Variants in ATG4C observed in about 807,000 individuals in gnomAD.
ATG4C encodes the protein cysteine protease ATG4C.
A neutral mutation model predicts 57.6 loss-of-function variants in ATG4C; 56 were observed. The observed-to-expected ratio is 0.97, with a 90% confidence interval of 0.78 to 1.21. The LOEUF is 1.21. ATG4C is among the 50% of genes most tolerant of loss of function. ATG4C has a pLI of 0.00. For missense variants in ATG4C, 595 were observed against 529.8 expected, an observed-to-expected ratio of 1.12 and a Z score of -1.21; for synonymous variants, 157 against 174.1, an observed-to-expected ratio of 0.90 and a Z score of 0.78.
intron 2 of ATG4C, 42 bp downstream of exon 2, chr1:62,803,904 AT>A: frequency 8.1e-7 from 1 of 1,241,964 alleles, no homozygotes; most frequent in Non-Finnish European, 1.1e-6. Flanking sequence ...CCAAAGAAAT[AT>A]TTGACAATAT....
intron 1 of ATG4C, among the ~76,000 whole-genome samples, chr1:62,798,889 C>T (rs534371419): frequency 6.6e-6 from 1 of 152,274 alleles, no homozygotes; most frequent in Admixed American, 6.5e-5. Flanking sequence ...GTGATCCACC[C>T]ACCTTGGCCT....
rs549319219 is a variant in ATG4C at position 62,838,854 on chromosome 1, AC to A, written c.1090-2571del. Among the ~76,000 whole-genome samples the A allele has an allele frequency of 3.0e-3, 461 of 152,136 alleles. 3 individuals are homozygous for A. Among genetic ancestry groups the A allele is most frequent in the African/African-American group, 0.011 (436 of 41,504 alleles). ...TGAGTCCTAGTGCTCATGCCGCAAT[AC>A]CCAATATCAGTTTAAGTGATCAGAG... On this transcript the variant is annotated intron_variant, in intron 9 of 10. Transcript: ENST00000317868.
intron 9 of ATG4C, among the ~76,000 whole-genome samples, chr1:62,837,914 T>C (rs1014712800): frequency 5.9e-5 from 9 of 152,150 alleles, no homozygotes; most frequent in African/African-American, 1.9e-4. Flanking sequence ...CCTTAGCCAC[T>C]CAAGTAGTTG....
At chr1:62,854,399 T>TC (rs1666612585) in intron 10 of ATG4C, among the ~76,000 whole-genome samples, 3 of 151,592 alleles carry the variant, frequency 2.0e-5, no homozygotes, top group Admixed American at 2.0e-4. Context: ...TGCCTCAGCC[T>TC]CCCGAGTAGC....
chr1:62,834,953 C>T (rs903094336), intron 9 of ATG4C, 101 bp downstream of exon 9: 5 of 906,146 alleles, frequency 5.5e-6, no homozygotes, highest in Non-Finnish European at 8.5e-6. Flanking sequence ...ATTATAACTA[C>T]TGGTTAATAA....
chr1:62,829,664 C>T (rs1345848549), intron 7 of ATG4C, among the ~76,000 whole-genome samples: 1 of 151,880 alleles, frequency 6.6e-6, no homozygotes, highest in East Asian at 1.9e-4. Context: ...TGGAGGAATT[C>T]CAACTTTGTT....
Position 62,816,800 on chromosome 1 carries a change from T to C in ATG4C, c.386T>C (p.Leu129Pro), listed in dbSNP as rs745791785. The C allele has an allele frequency of 6.5e-7, 1 of 1,536,788 alleles. No individual in the cohort carries two copies. The highest frequency in any genetic ancestry group is 2.1e-5 in the Admixed American group (1 of 46,864). The change falls in exon 4 of 11, where the codon CTT becomes CCT. Residue 129 changes from leucine (L) to proline (P), a missense_variant. By Grantham distance (98) the Leu-to-Pro change is moderately conservative (BLOSUM62 -3). Coordinates refer to ENST00000317868, the MANE Select transcript of ATG4C (RefSeq NM_032852.4). ...LLAQGLILHF[L>P]GRAWTWPDAL... ...GCTCAAGGACTCATACTACACTTTC[T>C]TGGTAGAGGTAAATCAAATTTCTGT... is the stretch of plus-strand genomic sequence containing the variant.
At chr1:62,859,205 A>G (rs1666773403) in intron 10 of ATG4C, among the ~76,000 whole-genome samples, 1 of 152,200 alleles carries the variant, frequency 6.6e-6, no homozygotes, top group Non-Finnish European at 1.5e-5. Flanking sequence ...CAGATTTTGG[A>G]TTTTTGGATT....
At chr1:62,854,839 G>T (rs758139877) in intron 10 of ATG4C, among the ~76,000 whole-genome samples, 4 of 152,022 alleles carry the variant, frequency 2.6e-5, no homozygotes, top group African/African-American at 9.7e-5. Flanking sequence ...AAGTTTTGCC[G>T]TCTCTTAAGA....
intron 6 of ATG4C, among the ~76,000 whole-genome samples, chr1:62,821,538 G>A (rs957215667): frequency 6.6e-6 from 1 of 152,002 alleles, no homozygotes; most frequent in Non-Finnish European, 1.5e-5. Flanking sequence ...CGTGTTTCAA[G>A]GAAAGAAAAT....
chr1:62,837,578 T>A (rs1666035521), intron 9 of ATG4C, among the ~76,000 whole-genome samples: 1 of 152,180 alleles, frequency 6.6e-6, no homozygotes, highest in Non-Finnish European at 1.5e-5. Flanking sequence ...TTGTTCTGAT[T>A]GCTGGGTCCC....
At chr1:62,827,789 T>G (rs1665712676) in intron 6 of ATG4C, among the ~76,000 whole-genome samples, 1 of 134,232 alleles carries the variant, frequency 7.4e-6, no homozygotes, top group Non-Finnish European at 1.6e-5. Flanking sequence ...TAGTTATTTT[T>G]TCTGCTCCTC....
chr1:62,819,755 T>G (rs1434804094), intron 5 of ATG4C, among the ~76,000 whole-genome samples: 1 of 152,024 alleles, frequency 6.6e-6, no homozygotes, highest in Non-Finnish European at 1.5e-5. Context: ...GGCATTTCTT[T>G]GCACACATCA....
At chr1:62,795,311 GT>G (rs1329850101) in intron 1 of ATG4C, among the ~76,000 whole-genome samples, 19 of 152,156 alleles carry the variant, frequency 1.2e-4, no homozygotes, top group Non-Finnish European at 5.9e-5. Context: ...TCAGTTTACA[GT>G]TTTTTGACTA....
At chr1:62,815,093 T>C (rs993943785) in intron 3 of ATG4C, among the ~76,000 whole-genome samples, 2 of 151,866 alleles carry the variant, frequency 1.3e-5, no homozygotes, top group African/African-American at 4.8e-5. Flanking sequence ...AATAAATAAA[T>C]GTGTTTAAAC....
chr1:62,809,527 TATA>T (rs1044888310), intron 3 of ATG4C, among the ~76,000 whole-genome samples: 193 of 147,144 alleles, frequency 1.3e-3, no homozygotes, highest in African/African-American at 4.5e-3. Flanking sequence ...ATTATATAAT[TATA>T]ATGTATAATT....
chr1:62,828,712 A>T (rs1249829419), intron 6 of ATG4C, among the ~76,000 whole-genome samples: 2 of 152,150 alleles, frequency 1.3e-5, no homozygotes, highest in Non-Finnish European at 2.9e-5. Context: ...TATCTTTGTC[A>T]TGAAATCTTT....
At chr1:62,785,510 TA>T (rs1285853108) in intron 1 of ATG4C, among the ~76,000 whole-genome samples, 2 of 152,196 alleles carry the variant, frequency 1.3e-5, no homozygotes, top group Non-Finnish European at 2.9e-5. Flanking sequence ...AAAATGTATT[TA>T]TGGTGATTGG....
chr1:62,803,998 A>G (rs1243390180), intron 2 of ATG4C, 136 bp downstream of exon 2: 1 of 546,076 alleles, frequency 1.8e-6, no homozygotes, highest in Non-Finnish European at 3.2e-6. Context: ...TTCTATAAGG[A>G]ATGTAGTTAA....
Sources: allele counts gnomAD v4.1 joint callset (sites outside exome capture counted in the v4.1 genomes callset), GRCh38; gene constraint gnomAD v4.1.1; transcripts MANE v1.5; gene names NCBI Gene and HGNC (gene_info 2026-07-23, HGNC 2026-07-21).